Variants in ALK observed in about 807,000 individuals in gnomAD.
The protein encoded by ALK is ALK receptor tyrosine kinase.
A neutral mutation model predicts 163.1 loss-of-function variants in ALK; 74 were observed. That is an observed-to-expected ratio of 0.45 (90% CI 0.38 to 0.55). The LOEUF (loss-of-function observed/expected upper bound fraction) is 0.55, where lower values mean the gene tolerates loss of function less well. Ranked by LOEUF, ALK falls within the 20% of genes least tolerant of loss-of-function variation. The probability of loss-of-function intolerance (pLI) is 0.00; values close to 1 mark genes in which losing one functional copy is unlikely to be tolerated. For missense variants in ALK, 2,063 were observed against 2,105.3 expected (o/e 0.98, Z 0.39); for synonymous variants, 960 against 843.2 (o/e 1.14, Z -2.40).
At chr2:29,284,143 C>T (rs181238337) in intron 9 of ALK, among the ~76,000 whole-genome samples, 17 of 152,124 alleles carry the variant, frequency 1.1e-4, no homozygotes, top group Non-Finnish European at 2.2e-4. Context: ...GAACTATGGG[C>T]GAAACTCTCA....
chr2:29,862,994 C>T (rs1337691224), intron 1 of ALK, among the ~76,000 whole-genome samples: 1 of 152,004 alleles, frequency 6.6e-6, no homozygotes, highest in Non-Finnish European at 1.5e-5. Flanking sequence ...GACAAAGGTA[C>T]CAAGAACATA....
At position 29,502,236 on chromosome 2, in the gene ALK, G is replaced by A. The variant is rs115241230; in HGVS notation, c.1154+29679C>T. On this transcript the variant is annotated intron_variant, in intron 4 of 28. Transcript: ENST00000389048. ...ATTTGAGTCACAACTTCTCTAATGC[G>A]AGTCCCTTGAGGGTACAGACCATTG... Among the ~76,000 whole-genome samples the A allele has an allele frequency of 8.2e-3, 1,250 of 152,200 alleles. 11 individuals are homozygous for A. The highest frequency in any genetic ancestry group is 0.028 in the African/African-American group (1,177 of 41,510).
intron 2 of ALK, among the ~76,000 whole-genome samples, chr2:29,703,368 G>C (rs1678804864): frequency 1.3e-5 from 2 of 152,152 alleles, no homozygotes; most frequent in African/African-American, 4.8e-5. Flanking sequence ...TTCATCAAGT[G>C]ACCTTAATAT....
At chr2:29,239,406 G>C (rs574204549) in intron 13 of ALK, among the ~76,000 whole-genome samples, 13 of 152,164 alleles carry the variant, frequency 8.5e-5, no homozygotes, top group East Asian at 3.9e-4. Flanking sequence ...GTGAGGGAGG[G>C]GGGGAGCCTG....
In ALK at chr2:29,350,511, T is replaced by C. The variant is rs765858900; in HGVS notation, c.1283-22030A>G. Among the ~76,000 whole-genome samples the C allele has an allele frequency of 2.1e-4, 32 of 152,230 alleles. No individual in the cohort carries two copies. In the Middle Eastern group the frequency reaches 0.01, roughly 49 times the overall value. On this transcript the variant is annotated intron_variant, in intron 5 of 28. Transcript: ENST00000389048. ...CCCACCTCTGTGGGACAGAGACAGC[T>C]GCCACTGGCTCTGGTCTTGCTCAGT...
At chr2:29,791,725 T>G (rs979198951) in intron 1 of ALK, among the ~76,000 whole-genome samples, 1 of 152,294 alleles carries the variant, frequency 6.6e-6, no homozygotes, top group South Asian at 2.1e-4. Context: ...TTCATGACGC[T>G]TTTGTAATCT....
At chr2:29,336,740 C>T (rs1019617141) in intron 5 of ALK, among the ~76,000 whole-genome samples, 2 of 152,280 alleles carry the variant, frequency 1.3e-5, no homozygotes, top group African/African-American at 2.4e-5. Context: ...TTTTTTTAAA[C>T]GAATGCCACA....
intron 3 of ALK, among the ~76,000 whole-genome samples, chr2:29,645,747 C>G (rs763301431): frequency 2.0e-5 from 3 of 152,224 alleles, no homozygotes; most frequent in Middle Eastern, 6.8e-3. Flanking sequence ...CCATAGACAG[C>G]ATTCACCCAC....
At chr2:29,857,457 A>AT (rs1228219685) in intron 1 of ALK, among the ~76,000 whole-genome samples, 2 of 152,204 alleles carry the variant, frequency 1.3e-5, no homozygotes, top group Non-Finnish European at 2.9e-5. Context: ...ACTGTGGCAT[A>AT]TAATAGTGTA....
chr2:29,324,151 G>C (rs1363618170), intron 6 of ALK, among the ~76,000 whole-genome samples: 1 of 152,142 alleles, frequency 6.6e-6, no homozygotes, highest in African/African-American at 2.4e-5. Flanking sequence ...TCGCGCTGTG[G>C]GTAGGTCAAT....
intron 23 of ALK, among the ~76,000 whole-genome samples, chr2:29,215,703 GT>G (rs1558618169): frequency 4.0e-4 from 1 of 2,506 alleles, no homozygotes; most frequent in Non-Finnish European, 0.025. Flanking sequence ...GGGTTGGAGC[GT>G]ATGTATGTGA....
Position 29,229,031 on chromosome 2 carries a change from G to A in ALK, c.2668C>T (p.Leu890Phe), listed in dbSNP as rs778677488. Residue 890 changes from leucine to phenylalanine, a missense_variant, in exon 16 of 29, where the codon CTC becomes TTC. By Grantham distance (22) the Leu-to-Phe change is conservative. Coordinates refer to ENST00000389048, the MANE Select transcript of ALK (RefSeq NM_004304.5). ...GGGWNDNTSL[L>F]WAGKSLQEGA... is the part of the protein sequence containing the mutation. ...TCCTGCAAAGATTTTCCGGCCCAGA[G>A]CAAGGAAGTGTTATCATTCCAGCCA... 2 of 1,612,846 alleles carry A rather than the reference G, an allele frequency of 1.2e-6. No homozygotes were observed. The highest frequency in any genetic ancestry group is 1.1e-5 in the South Asian group (1 of 91,020).
intron 11 of ALK, among the ~76,000 whole-genome samples, chr2:29,263,536 C>T (rs1421759396): frequency 1.3e-5 from 2 of 152,010 alleles, no homozygotes; most frequent in African/African-American, 2.4e-5. Flanking sequence ...GACTGAGACG[C>T]ATATGAGAAG....
At chr2:29,653,840 T>C (rs539524325) in intron 3 of ALK, among the ~76,000 whole-genome samples, 3 of 152,196 alleles carry the variant, frequency 2.0e-5, no homozygotes, top group African/African-American at 7.2e-5. Context: ...GGCAGGAGGA[T>C]CACTTGAGAT....
At chr2:29,481,524 G>A (rs1671659131) in intron 4 of ALK, among the ~76,000 whole-genome samples, 3 of 152,146 alleles carry the variant, frequency 2.0e-5, no homozygotes, top group African/African-American at 4.8e-5. Context: ...ACTGATTAAT[G>A]TGCTTCTGTC....
intron 4 of ALK, among the ~76,000 whole-genome samples, chr2:29,417,893 G>A (rs1669918956): frequency 1.3e-5 from 2 of 152,180 alleles, no homozygotes; most frequent in South Asian, 4.1e-4. Flanking sequence ...ATTTACCCTA[G>A]TGGCTGAGCT....
chr2:29,278,724 A>G (rs934338528), intron 9 of ALK, among the ~76,000 whole-genome samples: 1 of 152,186 alleles, frequency 6.6e-6, no homozygotes, highest in Admixed American at 6.5e-5. Flanking sequence ...AGGCACTTAG[A>G]GTGACAGAGA....
At chr2:29,583,931 C>G (rs1336448086) in intron 3 of ALK, among the ~76,000 whole-genome samples, 1 of 152,052 alleles carries the variant, frequency 6.6e-6, no homozygotes, top group Non-Finnish European at 1.5e-5. Flanking sequence ...TGTCTATCAA[C>G]AGTCACCACT....
chr2:29,387,606 A>G (rs1387591059), intron 4 of ALK, among the ~76,000 whole-genome samples: 2 of 152,196 alleles, frequency 1.3e-5, no homozygotes, highest in Non-Finnish European at 2.9e-5. Context: ...CATTGAATTA[A>G]AAGTTCCCTA....
Sources: allele counts gnomAD v4.1 joint callset (sites outside exome capture counted in the v4.1 genomes callset), GRCh38; gene constraint gnomAD v4.1.1; transcripts MANE v1.5; gene names NCBI Gene and HGNC (gene_info 2026-07-23, HGNC 2026-07-21).